INTS4: variants seen among roughly 807,000 people sequenced by gnomAD.
The protein encoded by INTS4 is MSTP093.
INTS4 carries 70 observed loss-of-function variants against 119.5 expected under a neutral mutation model. That is an observed-to-expected ratio of 0.59 (90% confidence interval 0.48 to 0.71). The LOEUF is 0.71. INTS4 is among the 30% of genes least tolerant of loss of function. INTS4 has a pLI of 0.00. For missense variants in INTS4, 867 were observed against 1,173.2 expected (o/e 0.74, Z 3.81); for synonymous variants, 316 against 419.6 (o/e 0.75, Z 3.02).
At chr11:77,889,444 C>A (rs1285025822) in intron 21 of INTS4, among the ~76,000 whole-genome samples, 2 of 151,744 alleles carry the variant, frequency 1.3e-5, no homozygotes, top group Non-Finnish European at 2.9e-5. Context: ...ATACCTAATG[C>A]TAGATGACGA....
At chr11:77,980,554 T>C (rs1209933695) in intron 3 of INTS4, among the ~76,000 whole-genome samples, 1 of 152,124 alleles carries the variant, frequency 6.6e-6, no homozygotes, top group African/African-American at 2.4e-5. Flanking sequence ...AATTTTTTAA[T>C]ATTTTGTAGA....
At chr11:77,926,524 T>G (rs60143695) in intron 11 of INTS4, among the ~76,000 whole-genome samples, 1 of 151,088 alleles carries the variant, frequency 6.6e-6, no homozygotes, top group South Asian at 2.1e-4. Context: ...AAATGAAGAG[T>G]CAGCCGGGCA....
chr11:77,916,513 T>A (rs1287361134), intron 15 of INTS4, among the ~76,000 whole-genome samples: 1 of 152,192 alleles, frequency 6.6e-6, no homozygotes, highest in Non-Finnish European at 1.5e-5. Flanking sequence ...CACCACAACG[T>A]TGTTATTCAG....
chr11:77,881,673 T>A (rs1043655742), intron 22 of INTS4, among the ~76,000 whole-genome samples: 1 of 152,192 alleles, frequency 6.6e-6, no homozygotes, highest in African/African-American at 2.4e-5. Context: ...GAGTGCCTAC[T>A]ACATGTCAGG....
At chr11:77,887,270 A>T (rs1164120929) in intron 21 of INTS4, among the ~76,000 whole-genome samples, 1 of 152,248 alleles carries the variant, frequency 6.6e-6, no homozygotes, top group Non-Finnish European at 1.5e-5. Flanking sequence ...GGTTCAACAT[A>T]CGAAAATCAA....
chr11:77,901,437 C>A lies in INTS4; in HGVS notation c.2212G>T (p.Ala738Ser). 1 of 1,613,922 alleles carries A rather than the reference C, an allele frequency of 6.2e-7. No individual in the cohort carries two copies. The highest frequency in any genetic ancestry group is 8.5e-7 in the Non-Finnish European group (1 of 1,179,834). The change falls in exon 18 of 23, where the codon GCA becomes TCA. Residue 738 changes from alanine (A) to serine (S), a missense_variant. Transcript: ENST00000534064. ...QAKALQLIVT[A>S]RTTRGLDPLF... ...ACATCTTACCCTCGTGTAGTTCGTG[C>A]TGTTACTATAAGTTGCAAAGCTTTG...
intron 8 of INTS4, among the ~76,000 whole-genome samples, chr11:77,946,770 A>G (rs1954057985): frequency 6.6e-6 from 1 of 151,802 alleles, no homozygotes; most frequent in Non-Finnish European, 1.5e-5. Flanking sequence ...CAAAAAAAAA[A>G]AAAAGGAAAA....
chr11:77,897,392 C>T (rs993694322), intron 18 of INTS4, among the ~76,000 whole-genome samples: 2 of 150,838 alleles, frequency 1.3e-5, no homozygotes, highest in African/African-American at 4.9e-5. Context: ...GAAGGATATA[C>T]AAGGATTATG....
At chr11:77,895,474 G>A (rs1382189651) in intron 18 of INTS4, among the ~76,000 whole-genome samples, 2 of 133,318 alleles carry the variant, frequency 1.5e-5, no homozygotes, top group Non-Finnish European at 3.1e-5. Flanking sequence ...GCCGGGGGTA[G>A]ATGGCAAATG....
At chr11:77,981,738 CTTTT>C (rs747073989) in intron 2 of INTS4, among the ~76,000 whole-genome samples, 162 bp from the exon 3 acceptor site, 27 of 136,970 alleles carry the variant, frequency 2.0e-4, no homozygotes, top group East Asian at 1.5e-3. Context: ...AGACAGCTTT[CTTTT>C]ATTTATTTAT....
intron 15 of INTS4, 142 bp downstream of exon 15, chr11:77,918,679 A>C: frequency 1.8e-6 from 2 of 1,127,320 alleles, no homozygotes; most frequent in South Asian, 1.9e-5. Context: ...TCTAATCCAA[A>C]TATAAACAGA....
intron 12 of INTS4, 112 bp downstream of exon 12, chr11:77,924,638 G>A: frequency 1.1e-6 from 1 of 947,422 alleles, no homozygotes; most frequent in Non-Finnish European, 1.6e-6. Context: ...CTAAAGTAAA[G>A]GCAAAATTCA....
Position 77,905,903 on chromosome 11 carries a change from C to T in INTS4, c.2016+1814G>A, listed in dbSNP as rs191099711. On this transcript the variant is annotated intron_variant, in intron 16 of 22. Transcript: ENST00000534064. ...AGACCCACCCAACTGTCATTAGTAA[C>T]CTGAGTGTTTATGCTTGCAAAAATG... Among the ~76,000 whole-genome samples the T allele has an allele frequency of 2.2e-3, 332 of 152,140 alleles. 2 individuals carry two copies. Among genetic ancestry groups the T allele is most frequent in the African/African-American group, 7.8e-3 (322 of 41,526 alleles).
In INTS4 at chr11:77,910,554, G is replaced by A. The variant is rs1953067773; in HGVS notation, c.1923-2744C>T. The stretch of plus-strand genomic sequence containing the variant: ...ACATGTATACATATGTAACTAACCT[G>A]CACATTGTGCACATGTACCCTAAAA... On this transcript the variant is annotated intron_variant, in intron 15 of 22. Coordinates refer to ENST00000534064, the MANE Select transcript of INTS4 (RefSeq NM_033547.4). Among the ~76,000 whole-genome samples the A allele has an allele frequency of 6.6e-5, 10 of 151,732 alleles. No individual in the cohort carries two copies. In the South Asian group the frequency reaches 1.9e-3, roughly 29 times the overall value.
chr11:77,896,767 A>AATT (rs1301583657), intron 18 of INTS4, among the ~76,000 whole-genome samples: 1 of 152,060 alleles, frequency 6.6e-6, no homozygotes, highest in East Asian at 1.9e-4. Flanking sequence ...CATTTAGTAT[A>AATT]ACAGACTAGA....
downstream of INTS4, among the ~76,000 whole-genome samples, chr11:77,874,372 CTTT>C (rs560821678): frequency 9.7e-5 from 13 of 134,516 alleles, no homozygotes; most frequent in African/African-American, 1.1e-4. Flanking sequence ...GTGATGCAGT[CTTT>C]TTTTTTTTTT....
At chr11:77,965,208 T>C (rs1241777547) in intron 4 of INTS4, among the ~76,000 whole-genome samples, 1 of 152,144 alleles carries the variant, frequency 6.6e-6, no homozygotes, top group Non-Finnish European at 1.5e-5. Context: ...CAAGCCACCA[T>C]GCCCAGCTAC....
chr11:77,894,833 G>A (rs1952441105), intron 18 of INTS4, among the ~76,000 whole-genome samples: 1 of 152,158 alleles, frequency 6.6e-6, no homozygotes, highest in Non-Finnish European at 1.5e-5. Flanking sequence ...AAGAATCACT[G>A]CACTCAATGA....
chr11:77,961,459 C>G (rs1279235009), intron 4 of INTS4, among the ~76,000 whole-genome samples: 4 of 152,082 alleles, frequency 2.6e-5, no homozygotes, highest in Non-Finnish European at 5.9e-5. Flanking sequence ...TATTTGCTTT[C>G]AAATTTTAAA....
Sources: allele counts gnomAD v4.1 joint callset (sites outside exome capture counted in the v4.1 genomes callset), GRCh38; gene constraint gnomAD v4.1.1; transcripts MANE v1.5; gene names NCBI Gene and HGNC (gene_info 2026-07-23, HGNC 2026-07-21).